Variants in CCDC148 observed in about 807,000 individuals in gnomAD.
The protein encoded by CCDC148 is coiled-coil domain containing 148.
Under a neutral mutation model 85.7 loss-of-function variants are expected in CCDC148, and 89 were observed. The ratio of observed to expected loss-of-function variants is 1.04; its 90% CI spans 0.87 to 1.24. The LOEUF (loss-of-function observed/expected upper bound fraction) is 1.24, where lower values mean the gene tolerates loss of function less well. Among genes scored for constraint, CCDC148 ranks in the 50% most tolerant of loss-of-function variants. The pLI is 0.00. For missense variants in CCDC148, 692 were observed against 671.7 expected (o/e 1.03, Z -0.33); for synonymous variants, 230 against 213.9 (o/e 1.08, Z -0.66).
chr2:158,365,157 C>T (rs1684140615), intron 1 of CCDC148, among the ~76,000 whole-genome samples: 1 of 152,120 alleles, frequency 6.6e-6, no homozygotes, highest in African/African-American at 2.4e-5. Context: ...CAGGAAACAA[C>T]AGATACTGGA....
At chr2:158,176,743 T>C in intron 12 of CCDC148, 82 bp from the exon 13 acceptor site, 6 of 1,487,416 alleles carry the variant, frequency 4.0e-6, no homozygotes, top group East Asian at 2.3e-5. Context: ...CTAATGCCCA[T>C]TAAAGTTAAG....
intron 11 of CCDC148, among the ~76,000 whole-genome samples, chr2:158,215,353 C>A (rs1686793633): frequency 6.6e-6 from 1 of 152,040 alleles, no homozygotes; most frequent in Non-Finnish European, 1.5e-5. Flanking sequence ...TACCATGTAT[C>A]ATTTTGAAGT....
chr2:158,247,965 A>G (rs1189879037), intron 10 of CCDC148, among the ~76,000 whole-genome samples: 3 of 152,118 alleles, frequency 2.0e-5, no homozygotes, highest in African/African-American at 7.2e-5. Flanking sequence ...GGTTTGTTAC[A>G]TAGGTATACA....
chr2:158,351,741 G>C (rs1238709903), intron 2 of CCDC148, among the ~76,000 whole-genome samples: 6 of 152,122 alleles, frequency 3.9e-5, no homozygotes, highest in Non-Finnish European at 5.9e-5. Context: ...AAGGAGGCCT[G>C]CCTGCCTCTG....
chr2:158,379,619 T>A (rs1684788015), intron 1 of CCDC148, among the ~76,000 whole-genome samples: 1 of 150,706 alleles, frequency 6.6e-6, no homozygotes, highest in Admixed American at 6.6e-5. Flanking sequence ...TTTAAAAAAT[T>A]GTCTCAGCTA....
intron 1 of CCDC148, among the ~76,000 whole-genome samples, chr2:158,397,768 C>T (rs1685590944): frequency 6.6e-6 from 1 of 152,080 alleles, no homozygotes; most frequent in African/African-American, 2.4e-5. Flanking sequence ...GGATCAAATT[C>T]ACACATAACA....
Position 158,291,149 on chromosome 2 carries a change from C to T in CCDC148, c.1110+18284G>A, listed in dbSNP as rs192588684. Among the ~76,000 whole-genome samples, 8 of 152,196 alleles carry T rather than the reference C, an allele frequency of 5.3e-5. No homozygotes were observed. The East Asian group carries it at 1.2e-3, about 22-fold the overall frequency. On this transcript the variant is annotated intron_variant, in intron 9 of 13. Transcript: ENST00000283233. ...TTTTGTTTTTTAAAGAGATGGGTCT[C>T]GCTATATTGCCCAGGCTTGACTGGA...
intron 11 of CCDC148, among the ~76,000 whole-genome samples, chr2:158,211,423 G>A (rs1335915272): frequency 6.6e-6 from 1 of 152,132 alleles, no homozygotes; most frequent in Non-Finnish European, 1.5e-5. Flanking sequence ...ATGTAATAAT[G>A]CTCATTTTAT....
rs889109628 is a variant in CCDC148, at chr2:158,338,292, A to T, written c.764+434T>A. Among the ~76,000 whole-genome samples the T allele has an allele frequency of 4.6e-5, 7 of 152,254 alleles. No individual in the cohort carries two copies. The South Asian group carries it at 1.4e-3, about 32-fold the overall frequency. On this transcript the variant is annotated intron_variant, in intron 7 of 13. Transcript: ENST00000283233. ...AAATGAAATTTAACATATAGAAGAA[A>T]TTTTTTTAAAATTTAGAAAACATAC...
intron 10 of CCDC148, 123 bp downstream of exon 10, chr2:158,250,649 T>G: frequency 7.5e-7 from 1 of 1,328,668 alleles, no homozygotes; most frequent in Non-Finnish European, 9.8e-7. Flanking sequence ...AACATTCCAC[T>G]AGATCTTTAT....
intron 9 of CCDC148, among the ~76,000 whole-genome samples, chr2:158,254,742 T>A (rs1163357696): frequency 6.6e-6 from 1 of 151,612 alleles, no homozygotes; most frequent in African/African-American, 2.4e-5. Flanking sequence ...ACTCTTCTCA[T>A]TTTTTGATTT....
At chr2:158,196,728 C>T (rs554169680) in intron 11 of CCDC148, among the ~76,000 whole-genome samples, 14 of 152,226 alleles carry the variant, frequency 9.2e-5, no homozygotes, top group Admixed American at 3.9e-4. Context: ...ATAAATTTTA[C>T]GTCTACTTTT....
At chr2:158,296,958 T>G (rs1306764004) in intron 9 of CCDC148, among the ~76,000 whole-genome samples, 2 of 152,214 alleles carry the variant, frequency 1.3e-5, no homozygotes, top group Non-Finnish European at 2.9e-5. Context: ...CAGAGCTCTC[T>G]TTCTTCTGCT....
At chr2:158,440,004 A>G (rs1237360057) in intron 1 of CCDC148, among the ~76,000 whole-genome samples, 1 of 151,842 alleles carries the variant, frequency 6.6e-6, no homozygotes, top group East Asian at 1.9e-4. Context: ...GACTACAGGC[A>G]TGTTCCATCA....
intron 8 of CCDC148, among the ~76,000 whole-genome samples, chr2:158,309,989 T>A (rs1574596476): frequency 6.6e-6 from 1 of 152,192 alleles, no homozygotes; most frequent in Non-Finnish European, 1.5e-5. Flanking sequence ...TTTGGCAGGG[T>A]CATAGGACAA....
At chr2:158,180,665 C>A (rs1684853799) in intron 11 of CCDC148, among the ~76,000 whole-genome samples, 1 of 152,008 alleles carries the variant, frequency 6.6e-6, no homozygotes, top group African/African-American at 2.4e-5. Flanking sequence ...ACAGAGAAGC[C>A]CAGGCAAGTA....
chr2:158,354,050 C>G (rs1188646724), intron 2 of CCDC148, among the ~76,000 whole-genome samples: 2 of 151,950 alleles, frequency 1.3e-5, no homozygotes, highest in East Asian at 1.9e-4. Flanking sequence ...ACACAACATA[C>G]CAGAATCTCT....
At chr2:158,195,904 A>T (rs1685646135) in intron 11 of CCDC148, among the ~76,000 whole-genome samples, 1 of 152,164 alleles carries the variant, frequency 6.6e-6, no homozygotes, top group Non-Finnish European at 1.5e-5. Context: ...GGAAAAGTTT[A>T]TCAGGGGAGG....
At chr2:158,390,760 G>T (rs1410481017) in intron 1 of CCDC148, among the ~76,000 whole-genome samples, 1 of 152,076 alleles carries the variant, frequency 6.6e-6, no homozygotes, top group African/African-American at 2.4e-5. Context: ...TGTCTTTTGC[G>T]CTACCTTTTT....
Sources: gnomAD v4.1 joint callset for allele counts (sites outside exome capture counted in the v4.1 genomes callset) on GRCh38, gnomAD v4.1.1 for gene constraint, MANE v1.5 for transcripts, NCBI Gene and HGNC (gene_info 2026-07-23, HGNC 2026-07-21) for gene names.